Variants in CCDC92 observed in about 807,000 individuals in gnomAD.
CCDC92 encodes the protein coiled-coil domain containing 92, also known as coiled-coil domain-containing protein 92.
Under a neutral mutation model 24.9 loss-of-function variants are expected in CCDC92, and 12 were observed. The observed-to-expected ratio is 0.48, with a 90% CI of 0.31 to 0.78. The LOEUF (loss-of-function observed/expected upper bound fraction) is 0.78. CCDC92 is among the 30% of genes least tolerant of loss of function. The probability of loss-of-function intolerance (pLI) is 0.05; values close to 1 mark genes in which losing one functional copy is unlikely to be tolerated. For missense variants in CCDC92, 399 were observed against 439.4 expected, an observed-to-expected ratio of 0.91 and a Z score of 0.82; for synonymous variants, 193 against 196.3, an observed-to-expected ratio of 0.98 and a Z score of 0.14.
At chr12:123,938,971 G>C (rs1204021672) in intron 4 of CCDC92, among the ~76,000 whole-genome samples, 2 of 152,138 alleles carry the variant, frequency 1.3e-5, no homozygotes, top group Non-Finnish European at 2.9e-5. Flanking sequence ...TAGGAAGCTT[G>C]GTCACCCCCT....
chr12:123,965,408 C>G (rs750544886), intron 1 of CCDC92, among the ~76,000 whole-genome samples: 1 of 152,188 alleles, frequency 6.6e-6, no homozygotes, highest in African/African-American at 2.4e-5. Flanking sequence ...GTTTATCGCT[C>G]TCACTGGAGT....
At chr12:123,967,515 G>A (rs1305925633) in intron 1 of CCDC92, among the ~76,000 whole-genome samples, 1 of 152,202 alleles carries the variant, frequency 6.6e-6, no homozygotes, top group Non-Finnish European at 1.5e-5. Flanking sequence ...GTGTGTGACA[G>A]CCGAAGAGAA....
Position 123,936,596 on chromosome 12 carries a change from G to A in CCDC92, c.*462C>T, listed in dbSNP as rs565773219. 5.6e-6 allele frequency: 1 copy of A among 179,768 alleles called. No homozygotes were observed. The highest frequency in any genetic ancestry group is 1.2e-5 in the Non-Finnish European group (1 of 84,760). 11.1% of individuals were successfully genotyped at this position (179,768 alleles called of 1,614,324 possible). ...GGAAAGGTTGGTCAGGAGGTGACAG[G>A]GGTCTCCAGGAGGAGCTCGGGAGGT... On this transcript the variant is annotated 3_prime_UTR_variant, in exon 5 of 5. Coordinates refer to ENST00000238156, the MANE Select transcript of CCDC92 (RefSeq NM_025140.3).
chr12:123,936,463 CA>C lies in CCDC92; in HGVS notation c.*594del. ...TCTTAAACATTTTGGATAAAACTAA[CA>C]AAAAAATATGAACACACATTCAGGT... On this transcript the variant is annotated 3_prime_UTR_variant, in exon 5 of 5. Coordinates refer to ENST00000238156, the MANE Select transcript of CCDC92 (RefSeq NM_025140.3). 6.5e-6 allele frequency: 1 copy of C among 153,162 alleles called. No individual in the cohort carries two copies. The allele number at this position is 153,162 out of a possible 1,614,324, so 9.5% of individuals were successfully genotyped here.
intron 1 of CCDC92, among the ~76,000 whole-genome samples, chr12:123,967,182 C>T (rs1316827613): frequency 1.3e-5 from 2 of 151,962 alleles, no homozygotes; most frequent in Non-Finnish European, 2.9e-5. Context: ...AGCAATAGGG[C>T]ATGTCAATGA....
chr12:123,969,484 TTTTG>T (rs1956473362), intron 1 of CCDC92, among the ~76,000 whole-genome samples: 1 of 147,798 alleles, frequency 6.8e-6, no homozygotes, highest in South Asian at 2.2e-4. Context: ...TTTTTTTTTT[TTTTG>T]AGACGGAGTC....
At chr12:123,961,513 A>T (rs1420904442) in intron 1 of CCDC92, among the ~76,000 whole-genome samples, 1 of 152,240 alleles carries the variant, frequency 6.6e-6, no homozygotes, top group African/African-American at 2.4e-5. Context: ...AAGGTTAGAT[A>T]GAAAAGCTAG....
At chr12:123,970,880 A>G (rs1956511047) in intron 1 of CCDC92, among the ~76,000 whole-genome samples, 1 of 152,234 alleles carries the variant, frequency 6.6e-6, no homozygotes, top group East Asian at 1.9e-4. Context: ...ATCGTTGCAA[A>G]GGCATCCTAC....
intron 1 of CCDC92, among the ~76,000 whole-genome samples, chr12:123,949,108 G>A (rs1008100975): frequency 5.3e-5 from 8 of 152,188 alleles, no homozygotes; most frequent in Non-Finnish European, 7.3e-5. Flanking sequence ...AAGGGTCAGC[G>A]TGGCAGATGA....
intron 1 of CCDC92, among the ~76,000 whole-genome samples, chr12:123,961,940 T>C (rs972004288): frequency 2.0e-5 from 3 of 152,320 alleles, no homozygotes; most frequent in Admixed American, 6.5e-5. Context: ...CTAGATAATA[T>C]ACTGTCCCTA....
intron 4 of CCDC92, among the ~76,000 whole-genome samples, chr12:123,940,261 A>G (rs1411442044): frequency 2.6e-5 from 4 of 152,210 alleles, no homozygotes; most frequent in Non-Finnish European, 5.9e-5. Context: ...AAGGCCACAC[A>G]GCCCCTCCGA....
chr12:123,966,685 T>A (rs1252239018), intron 1 of CCDC92: 1 of 152,246 alleles, frequency 6.6e-6, no homozygotes, highest in Non-Finnish European at 1.5e-5. Flanking sequence ...AACACAGGAA[T>A]GGCTAATTTG....
At chr12:123,971,700 A>G (rs370894097) in intron 1 of CCDC92, 2 of 152,256 alleles carry the variant, frequency 1.3e-5, no homozygotes, top group East Asian at 3.8e-4. Context: ...GAAATGAAAC[A>G]ATACAGGTCA....
Position 123,972,597 on chromosome 12 carries a change from G to C in CCDC92, c.-128C>G, listed in dbSNP as rs189119902. 0.16 allele frequency: 24,273 copies of C among 150,354 alleles called. 2,462 individuals are homozygous for C. The highest frequency in any genetic ancestry group is 0.23 in the Non-Finnish European group (15,558 of 67,266). The allele number at this position is 150,354 out of a possible 1,614,324, so 9.3% of individuals were successfully genotyped here. A position where few individuals can be genotyped will look rare whatever the true frequency, so the allele number is the denominator to read the frequency against. On this transcript the variant is annotated 5_prime_UTR_variant, in exon 1 of 5. Transcript: ENST00000238156. Reference sequence around the variant, plus strand: ...AGGCTCGGTCCTCCCGGCGGGCGGCGGTGGGGGCCCGTGGCCCATGGGCTG... The same window carrying C: ...AGGCTCGGTCCTCCCGGCGGGCGGCCGTGGGGGCCCGTGGCCCATGGGCTG...
intron 1 of CCDC92, chr12:123,961,128 C>G (rs1956262561): frequency 6.6e-6 from 1 of 152,236 alleles, no homozygotes; most frequent in Admixed American, 6.5e-5. Context: ...AGTACAGGAG[C>G]CAGGGGAAGG....
At chr12:123,941,032 C>A (rs969429905) in intron 4 of CCDC92, among the ~76,000 whole-genome samples, 10 of 142,724 alleles carry the variant, frequency 7.0e-5, no homozygotes, top group African/African-American at 2.6e-4. Flanking sequence ...GGTGGGTGGG[C>A]AGGTGGCCTT....
Position 123,957,699 on chromosome 12 carries a change from CTTTTTTT to C in CCDC92, c.-59-13342_-59-13336del, listed in dbSNP as rs59738995. Reference sequence around the variant, plus strand: ...ATCACTTAATTCTTTTTTTTTCCTTCTTTTTTTTTTTTTTTTTTTTTTTTGAGATGGG... The same window carrying C: ...ATCACTTAATTCTTTTTTTTTCCTTCTTTTTTTTTTTTTTTTTGAGATGGG... On this transcript the variant is annotated intron_variant, in intron 1 of 4. Transcript: ENST00000238156. 9.2e-5 allele frequency among the ~76,000 whole-genome samples: 7 copies of C among 75,896 alleles called. No homozygotes were observed. In the East Asian group the frequency reaches 2.6e-3, roughly 28 times the overall value. The allele number at this position is 75,896 out of a possible 152,430, so 49.8% of individuals were successfully genotyped here. A position where few individuals can be genotyped will look rare whatever the true frequency, so the allele number is the denominator to read the frequency against.
At chr12:123,965,283 G>A (rs1203045922) in intron 1 of CCDC92, among the ~76,000 whole-genome samples, 1 of 152,178 alleles carries the variant, frequency 6.6e-6, no homozygotes, top group African/African-American at 2.4e-5. Flanking sequence ...TATAACTGAG[G>A]AGACAAGACT....
In CCDC92 at chr12:123,937,848, G is replaced by A; in HGVS notation, c.224-18C>T. On this transcript the variant is annotated intron_variant, in intron 4 of 4. Coordinates refer to ENST00000238156, the MANE Select transcript of CCDC92 (RefSeq NM_025140.3). The surrounding 1 kb of genome is among the most constrained non-coding windows in gnomAD (Gnocchi z 8.4). ...CCCGTCTCCTACAAGAATAAGCCGA[G>A]GAAGCAGGTGAAGAACTCATTAGAC... The A allele has an allele frequency of 6.3e-7, 1 of 1,586,030 alleles. No individual in the cohort carries two copies. The highest frequency in any genetic ancestry group is 8.5e-7 in the Non-Finnish European group (1 of 1,171,406).
Sources: allele counts gnomAD v4.1 joint callset (sites outside exome capture counted in the v4.1 genomes callset), GRCh38; gene constraint gnomAD v4.1.1; non-coding constraint Gnocchi (gnomAD v3.1); transcripts MANE v1.5; gene names NCBI Gene and HGNC (gene_info 2026-07-23, HGNC 2026-07-21).